ZNF536: variants seen among roughly 807,000 people sequenced by gnomAD.
ZNF536 encodes zinc finger protein 536.
A neutral mutation model predicts 84.5 loss-of-function variants in ZNF536; 13 were observed. That is an observed-to-expected ratio of 0.15 (90% CI 0.10 to 0.24). The LOEUF (loss-of-function observed/expected upper bound fraction) is 0.24. ZNF536 is among the 10% of genes least tolerant of loss of function. The pLI is 1.00. For missense variants in ZNF536, 1,536 were observed against 1,747.5 expected (o/e 0.88, Z 2.16); for synonymous variants, 811 against 742.5 (o/e 1.09, Z -1.50).
At chr19:30,342,768 A>G (rs979013736) in intron 2 of ZNF536, among the ~76,000 whole-genome samples, 28 of 152,262 alleles carry the variant, frequency 1.8e-4, no homozygotes, top group African/African-American at 6.8e-4. Context: ...CATGAGTTTA[A>G]TTTTATCCAA....
intron 1 of ZNF536, among the ~76,000 whole-genome samples, chr19:30,565,622 T>A (rs557445664): frequency 6.6e-6 from 1 of 152,360 alleles, no homozygotes; most frequent in African/African-American, 2.4e-5. Flanking sequence ...AAGTTTGGAC[T>A]TTTAGTGTAC....
intron 1 of ZNF536, among the ~76,000 whole-genome samples, chr19:30,246,329 C>T (rs1214194460): frequency 2.0e-5 from 3 of 152,106 alleles, no homozygotes; most frequent in Non-Finnish European, 4.4e-5. Flanking sequence ...AGAATTCTTG[C>T]AGAAAAATAA....
At chr19:30,462,645 CA>C (rs1427097701) in intron 2 of ZNF536, among the ~76,000 whole-genome samples, 2 of 151,622 alleles carry the variant, frequency 1.3e-5, no homozygotes, top group Non-Finnish European at 2.9e-5. Flanking sequence ...TTTGGGTGTG[CA>C]ATTATGTTGC....
intron 2 of ZNF536, among the ~76,000 whole-genome samples, chr19:30,524,479 A>G (rs911907597): frequency 6.6e-6 from 1 of 152,164 alleles, no homozygotes; most frequent in Admixed American, 6.5e-5. Flanking sequence ...GGTGCTCAAG[A>G]TGTCTTCTTT....
intron 1 of ZNF536, among the ~76,000 whole-genome samples, chr19:30,563,097 G>A (rs1246919606): frequency 2.0e-5 from 3 of 152,134 alleles, no homozygotes; most frequent in Admixed American, 1.3e-4. Context: ...GCTTTCTGCA[G>A]CCATGTAGGC....
intron 2 of ZNF536, among the ~76,000 whole-genome samples, chr19:30,462,545 G>C (rs1254507272): frequency 6.6e-6 from 1 of 152,162 alleles, no homozygotes; most frequent in Non-Finnish European, 1.5e-5. Context: ...CCTGTGTTGA[G>C]TATGTGTATT....
rs749685060 is a variant in ZNF536 at position 30,384,098 on chromosome 19, CTCTTTCTTTCTTTCTT to C, written c.-3+11593_-3+11608del. ...CCTCTCTTCTTCTGCCCACCTCTTT[CTCTTTCTTTCTTTCTT>C]TCTTTCTTTCTTTCTTTCTTTCTTT... On this transcript the variant is annotated intron_variant, in intron 1 of 4. Transcript: ENST00000355537. Among the ~76,000 whole-genome samples, 299 of 86,538 alleles carry C rather than the reference CTCTTTCTTTCTTTCTT, an allele frequency of 3.5e-3. 3 individuals are homozygous for C. The highest frequency in any genetic ancestry group is 0.012 in the African/African-American group (265 of 21,796). 56.8% of individuals were successfully genotyped at this position (86,538 alleles called of 152,430 possible).
chr19:30,414,832 T>C (rs564954181), intron 1 of ZNF536, among the ~76,000 whole-genome samples: 1 of 152,354 alleles, frequency 6.6e-6, no homozygotes, highest in African/African-American at 2.4e-5. Flanking sequence ...TCCTTTTTTA[T>C]CTGAAAATGT....
intron 1 of ZNF536, among the ~76,000 whole-genome samples, chr19:30,580,212 G>A (rs2046871632): frequency 6.6e-6 from 1 of 152,214 alleles, no homozygotes; most frequent in African/African-American, 2.4e-5. Context: ...GCCACAGAGA[G>A]CCCCGGGCTG....
chr19:30,291,548 T>C (rs187988537), intron 2 of ZNF536, among the ~76,000 whole-genome samples: 3 of 152,368 alleles, frequency 2.0e-5, no homozygotes, highest in African/African-American at 7.2e-5. Context: ...TGTTTTTTTC[T>C]TGTAAATTTG....
At chr19:30,384,116 C>CTT (rs1164574613) in intron 1 of ZNF536, among the ~76,000 whole-genome samples, 1 of 63,788 alleles carries the variant, frequency 1.6e-5, no homozygotes, top group Non-Finnish European at 3.2e-5. Context: ...TTCTTTCTTT[C>CTT]TTTCTTTCTT....
intron 2 of ZNF536, among the ~76,000 whole-genome samples, chr19:30,523,248 A>G (rs2145754479): frequency 6.6e-6 from 1 of 152,284 alleles, no homozygotes; most frequent in East Asian, 1.9e-4. Context: ...CCATCTTTAC[A>G]TATGACGCGT....
At chr19:30,403,681 G>C (rs2050145782) in intron 1 of ZNF536, among the ~76,000 whole-genome samples, 1 of 152,218 alleles carries the variant, frequency 6.6e-6, no homozygotes. Flanking sequence ...CCCACTTGCT[G>C]TCTTCCACAG....
chr19:30,683,908 A>G (rs1161842627), intron 1 of ZNF536, among the ~76,000 whole-genome samples: 1 of 152,212 alleles, frequency 6.6e-6, no homozygotes, highest in Admixed American at 6.5e-5. Context: ...GCAACATGGA[A>G]TCATACCTTT....
chr19:30,457,089 T>C (rs1435229744), intron 2 of ZNF536, among the ~76,000 whole-genome samples: 1 of 150,656 alleles, frequency 6.6e-6, no homozygotes, highest in Non-Finnish European at 1.5e-5. Flanking sequence ...TGCATCTCAG[T>C]GTCTGGAAGC....
intron 1 of ZNF536, among the ~76,000 whole-genome samples, chr19:30,396,909 A>T (rs1030085738): frequency 6.6e-6 from 1 of 152,052 alleles, no homozygotes; most frequent in East Asian, 1.9e-4. Context: ...CCAGCCAAGC[A>T]GGCTCTCTTT....
chr19:30,485,816 A>C (rs1340222638), intron 2 of ZNF536, among the ~76,000 whole-genome samples: 4 of 152,168 alleles, frequency 2.6e-5, no homozygotes, highest in Non-Finnish European at 5.9e-5. Context: ...TTCCAAATTA[A>C]TGTCATTTTC....
At chr19:30,293,998 G>A (rs1208697493) in intron 2 of ZNF536, among the ~76,000 whole-genome samples, 2 of 152,048 alleles carry the variant, frequency 1.3e-5, no homozygotes, top group African/African-American at 4.8e-5. Flanking sequence ...CCTGGTGTTG[G>A]TCTCTGCCTG....
chr19:30,461,776 C>G (rs1193462413), intron 2 of ZNF536, among the ~76,000 whole-genome samples: 4 of 152,200 alleles, frequency 2.6e-5, no homozygotes, highest in Non-Finnish European at 5.9e-5. Flanking sequence ...TCATGAGTGT[C>G]CTTTACATGC....
Sources: gnomAD v4.1 joint callset for allele counts (sites outside exome capture counted in the v4.1 genomes callset) on GRCh38, gnomAD v4.1.1 for gene constraint, MANE v1.5 for transcripts, NCBI Gene and HGNC (gene_info 2026-07-23, HGNC 2026-07-21) for gene names.